Variants in NRP1 observed in about 807,000 individuals in gnomAD.
The protein encoded by NRP1 is neuropilin-1.
A neutral mutation model predicts 106.7 loss-of-function variants in NRP1; 35 were observed. The ratio of observed to expected loss-of-function variants is 0.33; its 90% CI spans 0.25 to 0.43. NRP1 has a LOEUF of 0.43. NRP1 is among the 20% of genes least tolerant of loss of function. The probability of loss-of-function intolerance (pLI) is 1.00; values close to 1 mark genes in which losing one functional copy is unlikely to be tolerated. For synonymous variants in NRP1, 437 were observed against 417.9 expected, an observed-to-expected ratio of 1.05 and a Z score of -0.56; for missense variants, 1,024 against 1,170.4, an observed-to-expected ratio of 0.87 and a Z score of 1.83.
At chr10:33,211,814 C>T (rs549235870) in intron 9 of NRP1, 1 of 152,350 alleles carries the variant, frequency 6.6e-6, no homozygotes, top group African/African-American at 2.4e-5. Flanking sequence ...AAGCTAAAAT[C>T]TGTTTTTCAC....
At chr10:33,206,554 A>C (rs1056666537) in intron 10 of NRP1, among the ~76,000 whole-genome samples, 1 of 145,374 alleles carries the variant, frequency 6.9e-6, no homozygotes, top group Non-Finnish European at 1.5e-5. Context: ...GAATGTAATT[A>C]TATTTGGTAG....
In NRP1 at chr10:33,334,566, T is replaced by C. The variant is rs566779182; in HGVS notation, c.-184A>G. 7.0e-5 allele frequency: 37 copies of C among 529,362 alleles called. No individual in the cohort carries two copies. The Admixed American group carries it at 1.2e-3, about 17-fold the overall frequency. 32.8% of individuals were successfully genotyped at this position (529,362 alleles called of 1,614,324 possible). Reference sequence around the variant, plus strand: ...CTGGATCCGAGAGGAACGCTTCTCTTTTTGTGTCTCAAGTCGCCTGCATCC... The same window carrying C: ...CTGGATCCGAGAGGAACGCTTCTCTCTTTGTGTCTCAAGTCGCCTGCATCC... On this transcript the variant is annotated 5_prime_UTR_variant, in exon 1 of 17. Transcript: ENST00000374867.
At chr10:33,260,048 G>A (rs924482256) in intron 4 of NRP1, among the ~76,000 whole-genome samples, 8 of 151,928 alleles carry the variant, frequency 5.3e-5, no homozygotes, top group African/African-American at 1.9e-4. Flanking sequence ...TGTAGAGACA[G>A]GGTCTCATCT....
chr10:33,266,567 T>C (rs952982884), intron 3 of NRP1, among the ~76,000 whole-genome samples: 6 of 152,234 alleles, frequency 3.9e-5, no homozygotes, highest in African/African-American at 1.4e-4. Context: ...TTTACCATAG[T>C]TGAAGAAGCA....
chr10:33,282,558 T>C (rs759285681), intron 2 of NRP1, among the ~76,000 whole-genome samples: 3 of 152,168 alleles, frequency 2.0e-5, no homozygotes, highest in East Asian at 1.9e-4. Flanking sequence ...GTAACTACCA[T>C]AGAACCTTTT....
chr10:33,307,400 C>T (rs1330994902), intron 2 of NRP1, among the ~76,000 whole-genome samples: 1 of 152,102 alleles, frequency 6.6e-6, no homozygotes, highest in African/African-American at 2.4e-5. Context: ...TTGAGGCTGT[C>T]TTGCATGCAA....
At chr10:33,193,754 C>G (rs1037921008) in intron 12 of NRP1, among the ~76,000 whole-genome samples, 3 of 152,270 alleles carry the variant, frequency 2.0e-5, no homozygotes, top group South Asian at 2.1e-4. Context: ...GGCCCCTCCC[C>G]CAATGGCAGG....
intron 4 of NRP1, among the ~76,000 whole-genome samples, chr10:33,262,319 G>T (rs909205577): frequency 1.3e-5 from 2 of 152,178 alleles, no homozygotes; most frequent in African/African-American, 4.8e-5. Flanking sequence ...TAATTCACAA[G>T]AGTGGAATGG....
intron 2 of NRP1, among the ~76,000 whole-genome samples, chr10:33,315,915 T>C (rs1319360585): frequency 6.6e-6 from 1 of 152,062 alleles, no homozygotes; most frequent in Admixed American, 6.5e-5. Flanking sequence ...AGGAGTGAGC[T>C]TCAAGAACTA....
chr10:33,180,071 T>A lies in NRP1; in HGVS notation c.*5A>T, dbSNP rs1835582751. On this transcript the variant is annotated 3_prime_UTR_variant, in exon 17 of 17. Transcript: ENST00000374867. ...CTTTGACTGTCTTTTCATCTCTGTC[T>A]GCCTTCATGCCTCCGAATAAGTACT... 1 of 1,613,176 alleles carries A rather than the reference T, an allele frequency of 6.2e-7. No homozygotes were observed. Among genetic ancestry groups the A allele is most frequent in the African/African-American group, 1.3e-5 (1 of 74,922 alleles).
chr10:33,322,375 A>G (rs1051284177), intron 2 of NRP1, among the ~76,000 whole-genome samples: 1 of 151,966 alleles, frequency 6.6e-6, no homozygotes. Flanking sequence ...TTATTTATTT[A>G]TTTGTTTTTT....
intron 6 of NRP1, 116 bp from the exon 7 acceptor site, chr10:33,226,405 T>C: frequency 2.7e-6 from 3 of 1,095,144 alleles, no homozygotes; most frequent in Non-Finnish European, 3.9e-6. Flanking sequence ...CAACAGGGCC[T>C]CATTCCATCG....
At chr10:33,197,011 T>C (rs1471258612) in intron 12 of NRP1, among the ~76,000 whole-genome samples, 1 of 152,160 alleles carries the variant, frequency 6.6e-6, no homozygotes, top group Non-Finnish European at 1.5e-5. Flanking sequence ...TTTCACAGGA[T>C]ACTAACAAAA....
intron 2 of NRP1, among the ~76,000 whole-genome samples, chr10:33,285,227 G>C (rs1157156276): frequency 1.3e-5 from 2 of 152,180 alleles, no homozygotes; most frequent in Non-Finnish European, 2.9e-5. Flanking sequence ...CAGGAATCAA[G>C]AATGCCCTGG....
In NRP1 at chr10:33,273,095, TG is replaced by T. The variant is rs1253777751; in HGVS notation, c.249-2240del. Among the ~76,000 whole-genome samples the T allele has an allele frequency of 6.8e-5, 3 of 43,970 alleles. No homozygotes were observed. The East Asian group carries it at 2.9e-3, about 43-fold the overall frequency. 28.8% of individuals were successfully genotyped at this position (43,970 alleles called of 152,430 possible). On this transcript the variant is annotated intron_variant, in intron 2 of 16. Coordinates refer to ENST00000374867, the MANE Select transcript of NRP1 (RefSeq NM_003873.7). ...TTAAAAGTATGTGTGGGGTGGTGAG[TG>T]GGGGGTGGGGGGTGGGATTAGAATC...
intron 3 of NRP1, among the ~76,000 whole-genome samples, chr10:33,265,665 G>T (rs934040843): frequency 6.6e-6 from 1 of 152,164 alleles, no homozygotes; most frequent in African/African-American, 2.4e-5. Context: ...TCTTAGATGG[G>T]CCCAGTAAAC....
At chr10:33,247,363 A>G (rs559275128) in intron 6 of NRP1, among the ~76,000 whole-genome samples, 147 of 152,230 alleles carry the variant, frequency 9.7e-4, no homozygotes, top group African/African-American at 3.4e-3. Flanking sequence ...CCATTGTGTT[A>G]TTTTTCATGT....
intron 2 of NRP1, among the ~76,000 whole-genome samples, chr10:33,312,855 T>C (rs1362290226): frequency 1.3e-5 from 2 of 152,160 alleles, no homozygotes; most frequent in Non-Finnish European, 2.9e-5. Context: ...ATGAGCTATG[T>C]TGAATAAAAA....
At chr10:33,193,221 TGTGCCCTACAAG>T (rs2132635345) in intron 12 of NRP1, among the ~76,000 whole-genome samples, 1 of 152,290 alleles carries the variant, frequency 6.6e-6, no homozygotes, top group South Asian at 2.1e-4. Context: ...TTGCCTTGTG[TGTGCCCTACAAG>T]GTGCTGTTGG....
Sources: allele counts gnomAD v4.1 joint callset (sites outside exome capture counted in the v4.1 genomes callset), GRCh38; gene constraint gnomAD v4.1.1; transcripts MANE v1.5; gene names NCBI Gene and HGNC (gene_info 2026-07-23, HGNC 2026-07-21).